The following EXOC4 variants were observed in gnomAD, a reference collection of about 807,000 sequenced individuals.
EXOC4 encodes the protein SEC8-like 1.
In EXOC4, 71 loss-of-function variants were observed where a neutral mutation model predicts 107.2. That is an observed-to-expected ratio of 0.66 (90% confidence interval 0.55 to 0.81). The LOEUF (loss-of-function observed/expected upper bound fraction) is 0.81. EXOC4 is among the 30% of genes least tolerant of loss of function. EXOC4 has a pLI of 0.00. For synonymous variants in EXOC4, 456 were observed against 441.2 expected (o/e 1.03, Z -0.42); for missense variants, 1,108 against 1,189.6 (o/e 0.93, Z 1.01).
intron 14 of EXOC4, among the ~76,000 whole-genome samples, chr7:133,975,410 C>T (rs1377766450): frequency 6.6e-6 from 1 of 151,924 alleles, no homozygotes; most frequent in Non-Finnish European, 1.5e-5. Context: ...GGAGACTCAA[C>T]ATTTTGTGCA....
intron 10 of EXOC4, among the ~76,000 whole-genome samples, chr7:133,723,993 C>T (rs1055794123): frequency 2.0e-5 from 3 of 151,986 alleles, no homozygotes; most frequent in South Asian, 2.1e-4. Context: ...GAATTAAAAG[C>T]GAAGCCCTGA....
At chr7:134,063,193 G>A (rs11770757) in intron 17 of EXOC4, among the ~76,000 whole-genome samples, 4,943 of 152,206 alleles carry the variant, frequency 0.032, 153 homozygotes, top group Non-Finnish European at 0.044. Flanking sequence ...AGTCTAACCA[G>A]ATTATTCTTC....
chr7:133,464,811 GTT>G (rs3046149), intron 7 of EXOC4, among the ~76,000 whole-genome samples: 1 of 51,298 alleles, frequency 1.9e-5, no homozygotes, highest in Non-Finnish European at 3.3e-5. Context: ...GGTTGGGTTG[GTT>G]TTTTTTTTTT....
At chr7:134,037,518 A>G (rs745887277) in intron 17 of EXOC4, among the ~76,000 whole-genome samples, 4 of 152,136 alleles carry the variant, frequency 2.6e-5, no homozygotes, top group African/African-American at 4.8e-5. Context: ...TTCGGCATAC[A>G]TTGGTGGAGA....
At chr7:134,032,424 G>A (rs1003157036) in intron 17 of EXOC4, among the ~76,000 whole-genome samples, 3 of 152,304 alleles carry the variant, frequency 2.0e-5, no homozygotes, top group Non-Finnish European at 4.4e-5. Context: ...TCTTCCTGCT[G>A]CTAATGGGAC....
In EXOC4 at chr7:133,841,386, G is replaced by A. The variant is rs114410181; in HGVS notation, c.1734+23842G>A. The stretch of plus-strand genomic sequence containing the variant: ...ATTAGAATCACCTGGCCACTGATAG[G>A]AGCTGGGAAGCCAGAGTCTACCATG... On this transcript the variant is annotated intron_variant, in intron 11 of 17. Transcript: ENST00000253861. Among the ~76,000 whole-genome samples the A allele has an allele frequency of 2.4e-3, 366 of 152,310 alleles. 5 individuals are homozygous for A. The highest frequency in any genetic ancestry group is 8.2e-3 in the African/African-American group (342 of 41,564).
intron 15 of EXOC4, among the ~76,000 whole-genome samples, chr7:134,004,409 A>T (rs1010900469): frequency 6.6e-6 from 1 of 152,164 alleles, no homozygotes. Flanking sequence ...AGAGAGATAA[A>T]GTAACTTGCC....
intron 11 of EXOC4, among the ~76,000 whole-genome samples, chr7:133,870,094 G>T (rs897280723): frequency 3.0e-4 from 46 of 152,156 alleles, no homozygotes; most frequent in Non-Finnish European, 1.6e-4. Context: ...TCTATACTGT[G>T]CTATATCTAG....
intron 10 of EXOC4, among the ~76,000 whole-genome samples, chr7:133,660,541 G>T (rs1049911916): frequency 1.2e-4 from 19 of 152,112 alleles, no homozygotes; most frequent in African/African-American, 3.6e-4. Flanking sequence ...GTTTTGGGCT[G>T]ATCTCTATAA....
At chr7:133,266,218 G>A (rs1370048417) in intron 1 of EXOC4, among the ~76,000 whole-genome samples, 7 of 152,014 alleles carry the variant, frequency 4.6e-5, no homozygotes, top group Admixed American at 3.9e-4. Context: ...GTGTGGAGAG[G>A]GCTTCTCCTT....
rs144651039 is a variant in EXOC4 at position 133,321,625 on chromosome 7, T to C, written c.763+4235T>C. On this transcript the variant is annotated intron_variant, in intron 5 of 17. Coordinates refer to ENST00000253861, the MANE Select transcript of EXOC4 (RefSeq NM_021807.4). ...CACATTTTCTTTATCCAGTCTATCATTGATGGACATTTGGGTTGGTTCCAA... is the reference window on the plus strand; with the variant it reads ...CACATTTTCTTTATCCAGTCTATCACTGATGGACATTTGGGTTGGTTCCAA... Among the ~76,000 whole-genome samples, 1,309 of 152,338 alleles carry C rather than the reference T, an allele frequency of 8.6e-3. 15 individuals are homozygous for C. Among genetic ancestry groups the C allele is most frequent in the African/African-American group, 0.03 (1,248 of 41,574 alleles).
chr7:133,872,007 C>T (rs1310143023), intron 11 of EXOC4, among the ~76,000 whole-genome samples: 1 of 152,028 alleles, frequency 6.6e-6, no homozygotes, highest in African/African-American at 2.4e-5. Context: ...AGAAGGAGAA[C>T]AGCAACAGAA....
chr7:134,062,708 T>A lies in EXOC4; in HGVS notation c.2688-1583T>A, dbSNP rs1796093773. On this transcript the variant is annotated intron_variant, in intron 17 of 17. Coordinates refer to ENST00000253861, the MANE Select transcript of EXOC4 (RefSeq NM_021807.4). ...CTCAGAGTCTGTGTTGAACTTGACCTCCTGGGTAATTTGGAGTGGCCATGG... is the reference window on the plus strand; with the variant it reads ...CTCAGAGTCTGTGTTGAACTTGACCACCTGGGTAATTTGGAGTGGCCATGG... Among the ~76,000 whole-genome samples, 3 of 152,188 alleles carry A rather than the reference T, an allele frequency of 2.0e-5. 1 individual carries two copies. The South Asian group carries it at 6.2e-4, about 32-fold the overall frequency.
At chr7:133,930,576 C>T (rs1257510004) in intron 13 of EXOC4, 1 of 151,924 alleles carries the variant, frequency 6.6e-6, no homozygotes, top group African/African-American at 2.4e-5. Context: ...TACTCTTCTG[C>T]TTGGTACCAA....
intron 7 of EXOC4, among the ~76,000 whole-genome samples, chr7:133,460,804 C>A (rs963265759): frequency 2.0e-5 from 3 of 152,102 alleles, no homozygotes; most frequent in Admixed American, 1.3e-4. Flanking sequence ...TTAAGTTGTT[C>A]TTTCAGTCAT....
At chr7:133,612,484 A>G (rs1802094640) in intron 9 of EXOC4, among the ~76,000 whole-genome samples, 1 of 151,804 alleles carries the variant, frequency 6.6e-6, no homozygotes, top group African/African-American at 2.4e-5. Flanking sequence ...TTGACAGCAG[A>G]GGGAACAAGA....
At chr7:133,472,757 A>G (rs1462912102) in intron 7 of EXOC4, among the ~76,000 whole-genome samples, 1 of 152,138 alleles carries the variant, frequency 6.6e-6, no homozygotes. Flanking sequence ...AGAAAGTAGG[A>G]AAAGTGTGTG....
chr7:133,992,870 A>T (rs973940270), intron 14 of EXOC4, among the ~76,000 whole-genome samples: 1 of 151,300 alleles, frequency 6.6e-6, no homozygotes, highest in African/African-American at 2.4e-5. Flanking sequence ...CCCATTCAGT[A>T]TATTAGCTGT....
intron 9 of EXOC4, among the ~76,000 whole-genome samples, chr7:133,563,928 T>G (rs995124869): frequency 2.6e-5 from 4 of 152,222 alleles, no homozygotes; most frequent in African/African-American, 7.2e-5. Flanking sequence ...GTTACTCTTT[T>G]GGGCATAATT....
Sources: allele counts gnomAD v4.1 joint callset (sites outside exome capture counted in the v4.1 genomes callset), GRCh38; gene constraint gnomAD v4.1.1; transcripts MANE v1.5; gene names NCBI Gene and HGNC (gene_info 2026-07-23, HGNC 2026-07-21).